Variants in USP24 observed in about 807,000 individuals in gnomAD.
USP24 encodes ubiquitin carboxyl-terminal hydrolase 24.
In USP24, 97 loss-of-function variants were observed where a neutral mutation model predicts 361.6. The observed-to-expected ratio is 0.27, with a 90% confidence interval of 0.23 to 0.32. The LOEUF (loss-of-function observed/expected upper bound fraction) is 0.32, where lower values mean the gene tolerates loss of function less well. Among genes scored for constraint, USP24 ranks in the 10% least tolerant of loss-of-function variants. The probability of loss-of-function intolerance (pLI) is 1.00; values close to 1 mark genes in which losing one functional copy is unlikely to be tolerated. For synonymous variants in USP24, 1,098 were observed against 1,124.6 expected (o/e 0.98, Z 0.47); for missense variants, 2,353 against 3,165.6 (o/e 0.74, Z 6.16).
intron 1 of USP24, among the ~76,000 whole-genome samples, chr1:55,208,433 G>C (rs1215288374): frequency 6.6e-6 from 1 of 152,034 alleles, no homozygotes; most frequent in Non-Finnish European, 1.5e-5. Flanking sequence ...TTCAAGACCA[G>C]CCTGGCCAAC....
At chr1:55,133,497 C>T (rs1646649005) in intron 30 of USP24, among the ~76,000 whole-genome samples, 1 of 152,156 alleles carries the variant, frequency 6.6e-6, no homozygotes, top group Admixed American at 6.5e-5. Flanking sequence ...TAATATATAA[C>T]ATGAGGAGGT....
rs139302990 is a variant in USP24 at position 55,174,654 on chromosome 1, G to T, written c.558+1722C>A. Among the ~76,000 whole-genome samples the T allele has an allele frequency of 6.6e-3, 1,000 of 152,320 alleles. 16 individuals are homozygous for T. Among genetic ancestry groups the T allele is most frequent in the Admixed American group, 0.043 (654 of 15,308 alleles). Reference sequence around the variant, plus strand: ...TTGCTGGTGAATGGACTGGATACACGGATTTCTGGATCTGGAGATCCTCAA... The same window carrying T: ...TTGCTGGTGAATGGACTGGATACACTGATTTCTGGATCTGGAGATCCTCAA... On this transcript the variant is annotated intron_variant, in intron 3 of 67. Transcript: ENST00000294383.
At chr1:55,133,440 A>G (rs1328394280) in intron 30 of USP24, among the ~76,000 whole-genome samples, 6 of 152,200 alleles carry the variant, frequency 3.9e-5, no homozygotes, top group Non-Finnish European at 7.3e-5. Flanking sequence ...TCACAACTAG[A>G]GTCTGATCTG....
rs1214221011 is a variant in USP24 at position 55,095,269 on chromosome 1, A to T, written c.6189T>A (p.Ala2063=). 1 of 1,613,680 alleles carries T rather than the reference A, an allele frequency of 6.2e-7. No homozygotes were observed. The highest frequency in any genetic ancestry group is 8.5e-7 in the Non-Finnish European group (1 of 1,179,798). ...KSRVSVVRQE[A]EDLSLSAPSS... ...GAGACACTTACAGAGAGAGATCCTCAGCTTCCTGCCGTACAACGCTGACTC... is the reference window on the plus strand; with the variant it reads ...GAGACACTTACAGAGAGAGATCCTCTGCTTCCTGCCGTACAACGCTGACTC... The change falls in exon 51 of 68, where the codon GCT becomes GCA. Residue 2063 remains alanine (A), a synonymous_variant. Transcript: ENST00000294383.
chr1:55,137,099 A>C (rs544279944), intron 28 of USP24, among the ~76,000 whole-genome samples: 1 of 152,310 alleles, frequency 6.6e-6, no homozygotes, highest in South Asian at 2.1e-4. Flanking sequence ...GCGGAGAGAC[A>C]GTGGAAATTC....
chr1:55,129,630 C>CT, intron 31 of USP24, 56 bp from the exon 32 acceptor site: 1 of 1,401,852 alleles, frequency 7.1e-7, no homozygotes, highest in Non-Finnish European at 1.0e-6. Flanking sequence ...GAAATTACTC[C>CT]TTTACTAAAT....
intron 41 of USP24, 28 bp from the exon 42 acceptor site, chr1:55,104,048 C>T (rs1645709506): frequency 1.3e-6 from 2 of 1,577,548 alleles, no homozygotes; most frequent in South Asian, 1.2e-5. Context: ...AAGTCAATTT[C>T]AACAATGAAT....
At chr1:55,144,374 T>A (rs2100700819) in intron 20 of USP24, among the ~76,000 whole-genome samples, 171 bp from the exon 21 acceptor site, 1 of 152,084 alleles carries the variant, frequency 6.6e-6, no homozygotes, top group South Asian at 2.1e-4. Context: ...TCAGATATAA[T>A]CAAAATTAAG....
intron 5 of USP24, among the ~76,000 whole-genome samples, chr1:55,167,480 A>G (rs1570594633): frequency 6.6e-6 from 1 of 152,190 alleles, no homozygotes; most frequent in East Asian, 1.9e-4. Flanking sequence ...TCATGGAGAC[A>G]CTTACAGACC....
At chr1:55,194,120 A>G (rs998450034) in intron 1 of USP24, among the ~76,000 whole-genome samples, 4 of 152,368 alleles carry the variant, frequency 2.6e-5, no homozygotes, top group East Asian at 3.9e-4. Flanking sequence ...ACTATCAAGT[A>G]AAACTTATTT....
Position 55,142,811 on chromosome 1 carries a change from G to A in USP24, c.2581-16C>T. ...ATACTGAATCCTGAAAGAGTATATG[G>A]AAATTACAATTAGTCCTTGACATTT... On this transcript the variant is annotated splice_polypyrimidine_tract_variant and intron_variant, in intron 22 of 67. Coordinates refer to ENST00000294383, the MANE Select transcript of USP24 (RefSeq NM_015306.3). 1 of 1,510,400 alleles carries A rather than the reference G, an allele frequency of 6.6e-7. No homozygotes were observed. Among genetic ancestry groups the A allele is most frequent in the Non-Finnish European group, 9.0e-7 (1 of 1,116,702 alleles). The allele number at this position is 1,510,400 out of a possible 1,614,324, so 93.6% of individuals were successfully genotyped here.
intron 67 of USP24, among the ~76,000 whole-genome samples, chr1:55,070,339 C>T (rs971635543): frequency 2.0e-5 from 3 of 152,110 alleles, no homozygotes; most frequent in African/African-American, 4.8e-5. Flanking sequence ...TTAGAGACTC[C>T]ACAAACCTTT....
At chr1:55,158,191 AGTT>A (rs1225087054) in intron 10 of USP24, among the ~76,000 whole-genome samples, 1 of 152,226 alleles carries the variant, frequency 6.6e-6, no homozygotes, top group Non-Finnish European at 1.5e-5. Flanking sequence ...TGCAAATTCT[AGTT>A]GTTCTGTTGC....
intron 38 of USP24, among the ~76,000 whole-genome samples, chr1:55,110,875 A>G (rs1381848919): frequency 6.6e-6 from 1 of 152,146 alleles, no homozygotes. Context: ...TTAGTTTTCT[A>G]ACTTCTAAAA....
chr1:55,145,351 T>C (rs1647000460), intron 20 of USP24, among the ~76,000 whole-genome samples: 1 of 152,176 alleles, frequency 6.6e-6, no homozygotes, highest in Non-Finnish European at 1.5e-5. Flanking sequence ...TACTGATACA[T>C]GCTACAACCT....
At chr1:55,210,260 A>C (rs1159829572) in intron 1 of USP24, among the ~76,000 whole-genome samples, 1 of 152,242 alleles carries the variant, frequency 6.6e-6, no homozygotes, top group African/African-American at 2.4e-5. Flanking sequence ...TGGATCAGAA[A>C]GAAATTCTTA....
Position 55,132,647 on chromosome 1 carries a change from T to C in USP24, c.3435A>G (p.Ser1145=), listed in dbSNP as rs371716752. The C allele has an allele frequency of 2.0e-5, 32 of 1,613,628 alleles. No homozygotes were observed. Among genetic ancestry groups the C allele is most frequent in the Non-Finnish European group, 2.5e-5 (30 of 1,179,766 alleles). Reference sequence around the variant, plus strand: ...CACTTGGCTGGTGCTGTTGCTTTGATGACAGGGATGGAGATTTTGAGGACT... The same window carrying C: ...CACTTGGCTGGTGCTGTTGCTTTGACGACAGGGATGGAGATTTTGAGGACT... ...SSQSSKSPSL[S]SKQQHQPSAS... The change falls in exon 31 of 68, where the codon TCA becomes TCG. Residue 1145 remains serine (S), a synonymous_variant. Transcript: ENST00000294383.
At chr1:55,212,276 G>C (rs945643554) in intron 1 of USP24, among the ~76,000 whole-genome samples, 2 of 152,104 alleles carry the variant, frequency 1.3e-5, no homozygotes, top group African/African-American at 2.4e-5. Context: ...TTGCACAGTA[G>C]CCTTAAAATA....
At chr1:55,207,137 GAC>G in intron 1 of USP24, among the ~76,000 whole-genome samples, 1 of 152,218 alleles carries the variant, frequency 6.6e-6, no homozygotes, top group East Asian at 1.9e-4. Flanking sequence ...CAGTCTGGGT[GAC>G]AGAGTGAGAC....
Sources: allele counts gnomAD v4.1 joint callset (sites outside exome capture counted in the v4.1 genomes callset), GRCh38; gene constraint gnomAD v4.1.1; transcripts MANE v1.5; gene names NCBI Gene and HGNC (gene_info 2026-07-23, HGNC 2026-07-21).